Variants in MACROD1 observed in about 807,000 individuals in gnomAD.
MACROD1 encodes the protein ADP-ribose glycohydrolase MACROD1.
A neutral mutation model predicts 41.4 loss-of-function variants in MACROD1; 31 were observed. The observed-to-expected ratio is 0.75, with a 90% CI of 0.56 to 1.01. MACROD1 has a LOEUF of 1.01. MACROD1 is among the 50% of genes least tolerant of loss of function. MACROD1 has a pLI of 0.00. For missense variants in MACROD1, 473 were observed against 460.0 expected (o/e 1.03, Z -0.26); for synonymous variants, 252 against 203.4 (o/e 1.24, Z -2.03).
At position 64,064,694 on chromosome 11, in the gene MACROD1, G is replaced by A. The variant is rs1242930248; in HGVS notation, c.518-49413C>T. ...ACGGCACCGAGATAGAAGGAGGGGG[G>A]CCCTCCCTGAGTTCTCCTCTCCCCT... On this transcript the variant is annotated intron_variant, in intron 3 of 10. Coordinates refer to ENST00000255681, the MANE Select transcript of MACROD1 (RefSeq NM_014067.4). The surrounding 1 kb of genome is among the most constrained non-coding windows in gnomAD (Gnocchi z 4.5). 2.0e-5 allele frequency among the ~76,000 whole-genome samples: 3 copies of A among 149,032 alleles called. No individual in the cohort carries two copies. Among genetic ancestry groups the A allele is most frequent in the Non-Finnish European group, 4.5e-5 (3 of 66,760 alleles).
intron 4 of MACROD1, among the ~76,000 whole-genome samples, chr11:64,004,188 G>A (rs555604119): frequency 4.6e-5 from 7 of 152,270 alleles, no homozygotes; most frequent in African/African-American, 1.7e-4. Context: ...GCATCTGTGC[G>A]CCTCCCATGG....
rs1198031904 is a variant in MACROD1, at chr11:64,165,731, G to A, written c.264C>T (p.Asp88=). The A allele has an allele frequency of 1.3e-6, 2 of 1,494,624 alleles. No homozygotes were observed. The highest frequency in any genetic ancestry group is 1.5e-5 in the African/African-American group (1 of 68,804). The allele number at this position is 1,494,624 out of a possible 1,614,324, so 92.6% of individuals were successfully genotyped here. Reference sequence around the variant, plus strand: ...CCTTCCAGTCGGTGGAGGTGCTCAGGTCCACCTTCGCCGCCATGGCCAGGG... The same window carrying A: ...CCTTCCAGTCGGTGGAGGTGCTCAGATCCACCTTCGCCGCCATGGCCAGGG... The part of the protein sequence containing the change: ...WAPLAMAAKV[D]LSTSTDWKEA... The change falls in exon 1 of 11, where the codon GAC becomes GAT. Residue 88 remains aspartate (D), a synonymous_variant. Coordinates refer to ENST00000255681, the MANE Select transcript of MACROD1 (RefSeq NM_014067.4).
intron 3 of MACROD1, among the ~76,000 whole-genome samples, chr11:64,016,445 C>T (rs778569852): frequency 5.9e-5 from 9 of 152,268 alleles, no homozygotes; most frequent in Non-Finnish European, 1.2e-4. Flanking sequence ...CAGCTCTGCA[C>T]ACAGCTTTGC....
chr11:64,130,855 T>C (rs2134657071), intron 3 of MACROD1, among the ~76,000 whole-genome samples: 1 of 152,330 alleles, frequency 6.6e-6, no homozygotes, highest in South Asian at 2.1e-4. Flanking sequence ...AATGAAATCC[T>C]GCACTCCCTC....
Position 64,033,771 on chromosome 11 carries a change from G to A in MACROD1, c.518-18490C>T, listed in dbSNP as rs1269292989. Among the ~76,000 whole-genome samples, 2 of 152,056 alleles carry A rather than the reference G, an allele frequency of 1.3e-5. 1 individual carries two copies. Among genetic ancestry groups the A allele is most frequent in the Admixed American group, 1.3e-4 (2 of 15,270 alleles). ...CAGGAGAATTGCTTGAACCTGGGAGGCAGAGGTTGCCATGAGCTGAGATCG... is the reference window on the plus strand; with the variant it reads ...CAGGAGAATTGCTTGAACCTGGGAGACAGAGGTTGCCATGAGCTGAGATCG... On this transcript the variant is annotated intron_variant, in intron 3 of 10. Transcript: ENST00000255681.
At chr11:64,113,999 G>A (rs1944917884) in intron 3 of MACROD1, among the ~76,000 whole-genome samples, 1 of 147,614 alleles carries the variant, frequency 6.8e-6, no homozygotes, top group Non-Finnish European at 1.5e-5. Context: ...TGGATGAATG[G>A]ACAGGTGGAT....
At chr11:64,000,171 G>T in intron 5 of MACROD1, 56 bp downstream of exon 5, 2 of 1,435,090 alleles carry the variant, frequency 1.4e-6, no homozygotes, top group Non-Finnish European at 9.7e-7. Flanking sequence ...TGATGTCCCA[G>T]TGACACACGG....
chr11:63,999,850 G>T, intron 5 of MACROD1, 87 bp from the exon 6 acceptor site: 1 of 1,410,852 alleles, frequency 7.1e-7, no homozygotes, highest in Non-Finnish European at 9.6e-7. Context: ...GCAGAAGGGG[G>T]CAGGAAACAC....
chr11:64,099,891 G>A (rs1263219382), intron 3 of MACROD1, among the ~76,000 whole-genome samples: 2 of 151,736 alleles, frequency 1.3e-5, no homozygotes, highest in African/African-American at 4.8e-5. Context: ...AGAAATGGAG[G>A]GAGAGATGGA....
intron 3 of MACROD1, among the ~76,000 whole-genome samples, chr11:64,073,530 A>G (rs1452819111): frequency 6.6e-6 from 1 of 152,156 alleles, no homozygotes; most frequent in African/African-American, 2.4e-5. Context: ...GGCACTTACT[A>G]ATTAACTTAA....
intron 3 of MACROD1, among the ~76,000 whole-genome samples, chr11:64,131,360 GTC>G (rs35428871): frequency 0.16 from 25,006 of 152,072 alleles, 2,294 homozygotes; most frequent in Admixed American, 0.28. Flanking sequence ...TTTTGATGGA[GTC>G]TCGCTCTGTC....
intron 3 of MACROD1, among the ~76,000 whole-genome samples, chr11:64,124,400 G>A (rs1945146411): frequency 6.6e-6 from 1 of 152,160 alleles, no homozygotes; most frequent in African/African-American, 2.4e-5. Flanking sequence ...TGGCGCCTGG[G>A]GCACTTTTCA....
intron 3 of MACROD1, among the ~76,000 whole-genome samples, chr11:64,109,495 G>A: frequency 6.6e-6 from 1 of 152,166 alleles, no homozygotes; most frequent in East Asian, 1.9e-4. Flanking sequence ...GGGGAGGGCT[G>A]CAGAGGGGGT....
chr11:64,139,696 C>T (rs1340408515), intron 3 of MACROD1, among the ~76,000 whole-genome samples: 1 of 152,122 alleles, frequency 6.6e-6, no homozygotes, highest in Non-Finnish European at 1.5e-5. Flanking sequence ...GTGGCTCATG[C>T]CTGTAATCCC....
At chr11:64,025,746 C>T (rs1193935359) in intron 3 of MACROD1, among the ~76,000 whole-genome samples, 1 of 144,828 alleles carries the variant, frequency 6.9e-6, no homozygotes. Context: ...CAGACGGTCT[C>T]GCTCTGTTGC....
chr11:64,058,613 G>A (rs747497698), intron 3 of MACROD1, among the ~76,000 whole-genome samples: 32 of 152,246 alleles, frequency 2.1e-4, no homozygotes, highest in Non-Finnish European at 3.8e-4. Flanking sequence ...AGCGGGCACG[G>A]CCCTGTAATT....
rs1434574865 is a variant in MACROD1, at chr11:63,999,008, A to G, written c.920T>C (p.Leu307Pro). 4 of 1,608,348 alleles carry G rather than the reference A, an allele frequency of 2.5e-6. No individual in the cohort carries two copies. The South Asian group carries it at 3.3e-5, about 13-fold the overall frequency. Residue 307 changes from leucine (L) to proline (P), a missense_variant, in exon 9 of 11, where the codon CTC (leucine) becomes CCC (proline). Physicochemically the swap from Leu to Pro is moderately conservative, Grantham distance 98. Coordinates refer to ENST00000255681, the MANE Select transcript of MACROD1 (RefSeq NM_014067.4). The part of the protein sequence containing the change: ...KVDRLIICVF[L>P]EKDEDIYRSR... ...CCGGTAGATGTCCTCGTCCTTCTCG[A>G]GGAACACGCAGATGATCAGCCGGTC...
intron 4 of MACROD1, among the ~76,000 whole-genome samples, chr11:64,003,957 C>T (rs893639563): frequency 5.9e-5 from 9 of 152,232 alleles, no homozygotes; most frequent in African/African-American, 1.9e-4. Context: ...CTCCCTCCAT[C>T]CAGCGGGACT....
At chr11:64,033,733 C>G (rs1344449266) in intron 3 of MACROD1, among the ~76,000 whole-genome samples, 1 of 150,284 alleles carries the variant, frequency 6.7e-6, no homozygotes, top group East Asian at 2.1e-4. Flanking sequence ...TCCAGCTACT[C>G]GGGAGGCTGA....
Sources: gnomAD v4.1 joint callset for allele counts (sites outside exome capture counted in the v4.1 genomes callset) on GRCh38, gnomAD v4.1.1 for gene constraint, Gnocchi (gnomAD v3.1) non-coding constraint, MANE v1.5 for transcripts, NCBI Gene and HGNC (gene_info 2026-07-23, HGNC 2026-07-21) for gene names.